GUCY1B1: variants seen among roughly 807,000 people sequenced by gnomAD.
GUCY1B1 encodes the protein guanylate cyclase 1 soluble subunit beta 1.
Under a neutral mutation model 71.0 loss-of-function variants are expected in GUCY1B1, and 43 were observed. That is an observed-to-expected ratio of 0.61 (90% CI 0.47 to 0.78). The LOEUF (loss-of-function observed/expected upper bound fraction) is 0.78, where lower values mean the gene tolerates loss of function less well. Among genes scored for constraint, GUCY1B1 ranks in the 30% least tolerant of loss-of-function variants. The probability of loss-of-function intolerance (pLI) is 0.00; values close to 1 mark genes in which losing one functional copy is unlikely to be tolerated. For missense variants in GUCY1B1, 535 were observed against 754.1 expected (o/e 0.71, Z 3.40); for synonymous variants, 266 against 259.7 (o/e 1.02, Z -0.23).
chr4:155,791,254 A>G (rs973313913), intron 5 of GUCY1B1, among the ~76,000 whole-genome samples: 3 of 151,308 alleles, frequency 2.0e-5, no homozygotes, highest in African/African-American at 7.3e-5. Flanking sequence ...AGCTGGGACT[A>G]CAGGCCCCCA....
intron 5 of GUCY1B1, 107 bp from the exon 6 acceptor site, chr4:155,793,749 G>A (rs1357725834): frequency 3.3e-6 from 2 of 614,618 alleles, no homozygotes; most frequent in Non-Finnish European, 5.8e-6. Flanking sequence ...TTGAATTTTT[G>A]TAATTAATCT....
chr4:155,768,791 T>G (rs548218155), intron 2 of GUCY1B1, among the ~76,000 whole-genome samples: 7 of 152,304 alleles, frequency 4.6e-5, no homozygotes, highest in African/African-American at 1.7e-4. Context: ...GTATTCAACT[T>G]CTAAACAGTT....
At chr4:155,804,974 C>G in intron 12 of GUCY1B1, 129 bp from the exon 13 acceptor site, 1 of 842,144 alleles carries the variant, frequency 1.2e-6, no homozygotes, top group South Asian at 1.8e-5. Context: ...GTTTCTAAAG[C>G]TTTGAGTTAC....
At chr4:155,760,851 G>A (rs568555630) in intron 2 of GUCY1B1, among the ~76,000 whole-genome samples, 1 of 152,294 alleles carries the variant, frequency 6.6e-6, no homozygotes, top group South Asian at 2.1e-4. Flanking sequence ...CCTGTACTTA[G>A]TGATTTCATT....
At chr4:155,764,660 A>G (rs905708950) in intron 2 of GUCY1B1, among the ~76,000 whole-genome samples, 7 of 152,234 alleles carry the variant, frequency 4.6e-5, no homozygotes, top group Admixed American at 6.5e-5. Context: ...TAGGATCAGG[A>G]TCCTTTTCTG....
rs1299128774 is a variant in GUCY1B1 at position 155,794,027 on chromosome 4, T to C, written c.667T>C (p.Phe223Leu). ...FCKAFPFHII[F>L]DRDLVVTQCG... ...CAAAGCTTTTCCTTTTCATATAATA[T>C]TTGACCGGGACCTAGTGGTCACTCA... The change falls in exon 6 of 14, where the codon TTT becomes CTT. Residue 223 changes from phenylalanine to leucine, a missense_variant. Physicochemically the swap from Phe to Leu is conservative, Grantham distance 22. Transcript: ENST00000264424. 6.2e-7 allele frequency: 1 copy of C among 1,613,484 alleles called. No individual in the cohort carries two copies. The highest frequency in any genetic ancestry group is 1.1e-5 in the South Asian group (1 of 91,072).
rs909731370 is a variant in GUCY1B1, at chr4:155,802,790, G to A, written c.1413+211G>A. ...CTTGTAACCACAATGAATGTTTCAT[G>A]AAGTGGGTGATTCCCTGGTTAAAAT... On this transcript the variant is annotated intron_variant, in intron 10 of 13. Transcript: ENST00000264424. The surrounding 1 kb of genome is among the most constrained non-coding windows in gnomAD (Gnocchi z 4.3). Among the ~76,000 whole-genome samples, 4 of 152,180 alleles carry A rather than the reference G, an allele frequency of 2.6e-5. No homozygotes were observed. Among genetic ancestry groups the A allele is most frequent in the African/African-American group, 9.7e-5 (4 of 41,430 alleles).
At chr4:155,799,356 T>C (rs1739785688) in intron 8 of GUCY1B1, among the ~76,000 whole-genome samples, 1 of 152,146 alleles carries the variant, frequency 6.6e-6, no homozygotes, top group Non-Finnish European at 1.5e-5. Flanking sequence ...TTTAGATACA[T>C]AAATTACATG....
At chr4:155,794,270 G>A (rs998579894) in intron 6 of GUCY1B1, among the ~76,000 whole-genome samples, 184 bp downstream of exon 6, 1 of 151,922 alleles carries the variant, frequency 6.6e-6, no homozygotes, top group African/African-American at 2.4e-5. Flanking sequence ...ACTTTCCCTA[G>A]GACAACTATT....
rs994373323 is a variant in GUCY1B1 at position 155,799,926 on chromosome 4, A to G, written c.1027A>G (p.Ile343Val). The G allele has an allele frequency of 6.2e-7, 1 of 1,613,368 alleles. No homozygotes were observed. Among genetic ancestry groups the G allele is most frequent in the Non-Finnish European group, 8.5e-7 (1 of 1,179,450 alleles). The change falls in exon 9 of 14, where the codon ATC becomes GTC. Residue 343 changes from isoleucine to valine, a missense_variant. Ile to Val is a conservative substitution (Grantham distance 29). Coordinates refer to ENST00000264424, the MANE Select transcript of GUCY1B1 (RefSeq NM_000857.5). Reference protein sequence around the residue: ...LTRRGLYLSDIPLHDATRDLV... With the variant: ...LTRRGLYLSDVPLHDATRDLV... ...AAGGAGAGGGCTGTATCTAAGTGAC[A>G]TCCCTCTGCATGATGCCACGCGCGA...
At chr4:155,791,358 G>T (rs558295821) in intron 5 of GUCY1B1, among the ~76,000 whole-genome samples, 3 of 149,740 alleles carry the variant, frequency 2.0e-5, no homozygotes, top group African/African-American at 7.4e-5. Flanking sequence ...CTCATGATCC[G>T]CCCGGCTCGG....
intron 4 of GUCY1B1, among the ~76,000 whole-genome samples, chr4:155,780,463 C>CT (rs886965019): frequency 6.6e-6 from 1 of 152,180 alleles, no homozygotes; most frequent in Non-Finnish European, 1.5e-5. Flanking sequence ...ATAGGACACT[C>CT]TATTTCCCCA....
At chr4:155,797,082 GT>G (rs1474713014) in intron 8 of GUCY1B1, among the ~76,000 whole-genome samples, 1 of 152,076 alleles carries the variant, frequency 6.6e-6, no homozygotes, top group Non-Finnish European at 1.5e-5. Flanking sequence ...ATAGATTGTT[GT>G]TTTCCAATTT....
intron 13 of GUCY1B1, among the ~76,000 whole-genome samples, chr4:155,805,485 T>G (rs1561038133): frequency 6.6e-6 from 1 of 152,174 alleles, no homozygotes; most frequent in Non-Finnish European, 1.5e-5. Context: ...GCTGCTTTTT[T>G]TCTTGCTGTT....
chr4:155,791,449 G>A (rs1009220721), intron 5 of GUCY1B1, among the ~76,000 whole-genome samples: 3 of 147,776 alleles, frequency 2.0e-5, no homozygotes, highest in Non-Finnish European at 3.0e-5. Flanking sequence ...TAACAGTATC[G>A]CCTGGGCGCA....
At chr4:155,801,266 A>G (rs912200812) in intron 9 of GUCY1B1, among the ~76,000 whole-genome samples, 10 of 152,204 alleles carry the variant, frequency 6.6e-5, no homozygotes, top group African/African-American at 2.4e-4. Flanking sequence ...TTTCACATTC[A>G]GGAACTATTT....
chr4:155,772,294 A>G (rs935207460), intron 2 of GUCY1B1, among the ~76,000 whole-genome samples: 4 of 152,316 alleles, frequency 2.6e-5, no homozygotes, highest in African/African-American at 4.8e-5. Flanking sequence ...TTCACTGGGA[A>G]TATGTATAGT....
At chr4:155,790,422 T>G (rs928931301) in intron 5 of GUCY1B1, among the ~76,000 whole-genome samples, 1 of 152,242 alleles carries the variant, frequency 6.6e-6, no homozygotes, top group Admixed American at 6.5e-5. Context: ...AGAAGCCAGG[T>G]CTGGTACTTT....
chr4:155,796,987 T>C, intron 8 of GUCY1B1, among the ~76,000 whole-genome samples: 1 of 152,290 alleles, frequency 6.6e-6, no homozygotes, highest in Middle Eastern at 3.4e-3. Context: ...CCTACTCTAA[T>C]CCAAATACAC....
Sources: allele counts gnomAD v4.1 joint callset (sites outside exome capture counted in the v4.1 genomes callset), GRCh38; gene constraint gnomAD v4.1.1; non-coding constraint Gnocchi (gnomAD v3.1); transcripts MANE v1.5; gene names NCBI Gene and HGNC (gene_info 2026-07-23, HGNC 2026-07-21).